PDE5A: variants seen among roughly 807,000 people sequenced by gnomAD.
PDE5A encodes the protein phosphodiesterase 5A.
A neutral mutation model predicts 110.2 loss-of-function variants in PDE5A; 67 were observed. The ratio of observed to expected loss-of-function variants is 0.61; its 90% CI spans 0.50 to 0.75. The LOEUF is 0.75. Among genes scored for constraint, PDE5A ranks in the 30% least tolerant of loss-of-function variants. The pLI is 0.00. For missense variants in PDE5A, 862 were observed against 1,045.1 expected (o/e 0.82, Z 2.42); for synonymous variants, 328 against 351.2 (o/e 0.93, Z 0.74).
rs1434862939 is a variant in PDE5A, at chr4:119,496,025, G to C, written c.*2576C>G. The C allele has an allele frequency of 6.6e-6, 1 of 152,110 alleles. No individual in the cohort carries two copies. Among genetic ancestry groups the C allele is most frequent in the Non-Finnish European group, 1.5e-5 (1 of 68,012 alleles). The allele number at this position is 152,110 out of a possible 1,614,324, so 9.4% of individuals were successfully genotyped here. A position where few individuals can be genotyped will look rare whatever the true frequency, so the allele number is the denominator to read the frequency against. On this transcript the variant is annotated 3_prime_UTR_variant, in exon 21 of 21. Coordinates refer to ENST00000354960, the MANE Select transcript of PDE5A (RefSeq NM_001083.4). ...AAAGCACAACTTGTTTAGGCACACA[G>C]AGGTTAAGTGACTTACACAAATCCA...
chr4:119,614,600 T>C (rs1228280218), intron 1 of PDE5A, among the ~76,000 whole-genome samples: 2 of 152,166 alleles, frequency 1.3e-5, no homozygotes, highest in Non-Finnish European at 2.9e-5. Context: ...ATTGAACCTT[T>C]TGAAAGCACT....
intron 1 of PDE5A, among the ~76,000 whole-genome samples, chr4:119,617,522 A>G (rs1729983204): frequency 6.6e-6 from 1 of 152,224 alleles, no homozygotes; most frequent in Non-Finnish European, 1.5e-5. Flanking sequence ...AATATTCCAG[A>G]TGTCTTGAAA....
At chr4:119,504,628 CCTA>C (rs1560593870) in intron 17 of PDE5A, 29 bp from the exon 18 acceptor site, 2 of 1,586,464 alleles carry the variant, frequency 1.3e-6, no homozygotes, top group Admixed American at 3.4e-5. Flanking sequence ...ACCCAAAACT[CCTA>C]TTTACTTTTG....
In PDE5A at chr4:119,542,693, C is replaced by CTT. The variant is rs1370037629; in HGVS notation, c.1397-61_1397-60dup. 15 of 1,459,596 alleles carry CTT rather than the reference C, an allele frequency of 1.0e-5. No homozygotes were observed. In the Admixed American group the frequency reaches 1.0e-4, roughly 10 times the overall value. The allele number at this position is 1,459,596 out of a possible 1,614,324, so 90.4% of individuals were successfully genotyped here. On this transcript the variant is annotated intron_variant, in intron 9 of 20. Coordinates refer to ENST00000354960, the MANE Select transcript of PDE5A (RefSeq NM_001083.4). ...TGTTGATTATCATAGTTTTTGTGGA[C>CTT]TTTAACAAACACACCCAAAGATTGT... is the stretch of plus-strand genomic sequence containing the variant.
At chr4:119,565,646 T>C (rs897336226) in intron 4 of PDE5A, among the ~76,000 whole-genome samples, 1 of 151,878 alleles carries the variant, frequency 6.6e-6, no homozygotes, top group Non-Finnish European at 1.5e-5. Flanking sequence ...AGATAAAGAC[T>C]TTATCTCTTT....
chr4:119,554,735 AG>A (rs1344416927), intron 7 of PDE5A, among the ~76,000 whole-genome samples: 1 of 152,186 alleles, frequency 6.6e-6, no homozygotes, highest in Non-Finnish European at 1.5e-5. Flanking sequence ...AATAAACCAA[AG>A]AAAAAAAACA....
At chr4:119,610,499 G>A (rs1729704832) in intron 1 of PDE5A, among the ~76,000 whole-genome samples, 2 of 151,862 alleles carry the variant, frequency 1.3e-5, no homozygotes, top group Admixed American at 1.3e-4. Flanking sequence ...AACGGGAAAT[G>A]GAGATCTCCT....
At chr4:119,587,493 C>T (rs1728804830) in intron 3 of PDE5A, among the ~76,000 whole-genome samples, 1 of 152,062 alleles carries the variant, frequency 6.6e-6, no homozygotes, top group South Asian at 2.1e-4. Flanking sequence ...ACGCCATTCT[C>T]CTGCCTCAGC....
rs553853343 is a variant in PDE5A, at chr4:119,627,992, C to T, written c.152+528G>A. ...GAAGGGGGGAAAAGGCAACCGCACTCACTTTGGCAAGGTTCCGTCATGTTG... is the reference window on the plus strand; with the variant it reads ...GAAGGGGGGAAAAGGCAACCGCACTTACTTTGGCAAGGTTCCGTCATGTTG... On this transcript the variant is annotated intron_variant, in intron 1 of 20. Transcript: ENST00000354960. This position sits in a 1 kb window ranked among gnomAD's most constrained non-coding sequence, Gnocchi z 4.6. The T allele has an allele frequency of 3.1e-6, 3 of 974,218 alleles. No homozygotes were observed. The African/African-American group carries it at 5.3e-5, about 17-fold the overall frequency. The allele number at this position is 974,218 out of a possible 1,614,324, so 60.3% of individuals were successfully genotyped here.
intron 19 of PDE5A, 26 bp downstream of exon 19, chr4:119,502,555 T>G (rs774819425): frequency 7.3e-7 from 1 of 1,362,870 alleles, no homozygotes; most frequent in South Asian, 1.2e-5. Context: ...TTTGAATAAT[T>G]CCTACCAACA....
At chr4:119,550,711 AG>A (rs1320766176) in intron 9 of PDE5A, among the ~76,000 whole-genome samples, 14 of 152,232 alleles carry the variant, frequency 9.2e-5, no homozygotes, top group Non-Finnish European at 1.8e-4. Context: ...ATAACTTACT[AG>A]TAAATAATGC....
chr4:119,589,165 A>AAT (rs1343827782), intron 3 of PDE5A, among the ~76,000 whole-genome samples: 1 of 152,140 alleles, frequency 6.6e-6, no homozygotes, highest in Non-Finnish European at 1.5e-5. Flanking sequence ...AATTCAGAGA[A>AAT]TTCAGAGAAA....
At position 119,510,431 on chromosome 4, in the gene PDE5A, A is replaced by C. The variant is rs527403525; in HGVS notation, c.2088+616T>G. On this transcript the variant is annotated intron_variant, in intron 15 of 20. Coordinates refer to ENST00000354960, the MANE Select transcript of PDE5A (RefSeq NM_001083.4). ...TTCTTATTATTAAGGTAATACATAC[A>C]CACAGCCGACAATGTAAATAATGAA... Among the ~76,000 whole-genome samples, 3 of 152,180 alleles carry C rather than the reference A, an allele frequency of 2.0e-5. No homozygotes were observed. In the South Asian group the frequency reaches 6.2e-4, roughly 31 times the overall value.
chr4:119,609,156 C>T (rs1729649946), intron 1 of PDE5A, among the ~76,000 whole-genome samples: 3 of 149,988 alleles, frequency 2.0e-5, no homozygotes, highest in South Asian at 4.2e-4. Context: ...TTCGAGACTC[C>T]GTCTCAAAAA....
At chr4:119,626,198 A>C (rs1730341618) in intron 1 of PDE5A, among the ~76,000 whole-genome samples, 1 of 152,350 alleles carries the variant, frequency 6.6e-6, no homozygotes, top group South Asian at 2.1e-4. Flanking sequence ...TAAATTTTAC[A>C]GTGAGCATGG....
At chr4:119,511,273 T>C in intron 14 of PDE5A, 139 bp from the exon 15 acceptor site, 1 of 591,154 alleles carries the variant, frequency 1.7e-6, no homozygotes. Flanking sequence ...CTCCTTTTAC[T>C]GAGAAAAGTG....
intron 3 of PDE5A, among the ~76,000 whole-genome samples, chr4:119,582,428 GA>G (rs758037180): frequency 1.3e-5 from 2 of 152,180 alleles, no homozygotes; most frequent in Non-Finnish European, 2.9e-5. Context: ...TTCCAACAGT[GA>G]TGTCTCAAAC....
intron 14 of PDE5A, 121 bp downstream of exon 14, chr4:119,518,924 A>T (rs527911734): frequency 9.7e-6 from 6 of 621,060 alleles, no homozygotes; most frequent in Admixed American, 8.9e-5. Flanking sequence ...CATTTCCTTT[A>T]AATATAACCA....
Position 119,567,102 on chromosome 4 carries a change from C to G in PDE5A, c.874G>C (p.Gly292Arg), listed in dbSNP as rs141970683. ...AQAINKKSGN[G>R]GTFTEKDEKD... ...TCATCTTTTTCAGTAAATGTCCCAC[C>G]GTTTCCTGATTTCTTGTTGATGGCC... The change falls in exon 4 of 21, where the codon GGT becomes CGT. Residue 292 changes from glycine (G) to arginine (R), a missense_variant. Physicochemically the swap from Gly to Arg is moderately radical, Grantham distance 125. Transcript: ENST00000354960. 7.4e-6 allele frequency: 12 copies of G among 1,613,426 alleles called. No homozygotes were observed. In the African/African-American group the frequency reaches 1.1e-4, roughly 14 times the overall value.
Sources: allele counts gnomAD v4.1 joint callset (sites outside exome capture counted in the v4.1 genomes callset), GRCh38; gene constraint gnomAD v4.1.1; non-coding constraint Gnocchi (gnomAD v3.1); transcripts MANE v1.5; gene names NCBI Gene and HGNC (gene_info 2026-07-23, HGNC 2026-07-21).